Variants in CDK8 observed in about 807,000 individuals in gnomAD.
CDK8 encodes the protein cyclin-dependent kinase 8.
Under a neutral mutation model 71.5 loss-of-function variants are expected in CDK8, and 29 were observed. The observed-to-expected ratio is 0.41, with a 90% CI of 0.30 to 0.55. The LOEUF is 0.55. CDK8 is among the 20% of genes least tolerant of loss of function. CDK8 has a pLI of 0.37. For missense variants in CDK8, 288 were observed against 572.6 expected, an observed-to-expected ratio of 0.50 and a Z score of 5.07; for synonymous variants, 161 against 192.1, an observed-to-expected ratio of 0.84 and a Z score of 1.34.
intron 1 of CDK8, among the ~76,000 whole-genome samples, chr13:26,276,086 C>T (rs1393146502): frequency 2.0e-5 from 3 of 152,180 alleles, no homozygotes; most frequent in African/African-American, 7.2e-5. Context: ...TGGTCTCGAT[C>T]TCTTGACCTC....
At chr13:26,304,254 A>G (rs1475815451) in intron 1 of CDK8, among the ~76,000 whole-genome samples, 1 of 148,702 alleles carries the variant, frequency 6.7e-6, no homozygotes, top group African/African-American at 2.5e-5. Flanking sequence ...ACAGAGCCAG[A>G]CTCTGTCTCA....
intron 1 of CDK8, among the ~76,000 whole-genome samples, chr13:26,304,254 ACT>A (rs1873940376): frequency 6.7e-6 from 1 of 148,804 alleles, no homozygotes; most frequent in Admixed American, 6.7e-5. Flanking sequence ...ACAGAGCCAG[ACT>A]CTGTCTCAAA....
intron 2 of CDK8, among the ~76,000 whole-genome samples, chr13:26,342,065 CACATG>C (rs1873265745): frequency 6.6e-6 from 1 of 152,130 alleles, no homozygotes; most frequent in Non-Finnish European, 1.5e-5. Flanking sequence ...GGACTACAGG[CACATG>C]CCACCATACC....
intron 4 of CDK8, among the ~76,000 whole-genome samples, chr13:26,369,335 AGC>A (rs1874540283): frequency 6.7e-6 from 1 of 150,140 alleles, no homozygotes; most frequent in Non-Finnish European, 1.5e-5. Context: ...CTGTGGTCTC[AGC>A]TACTCAGGAG....
intron 1 of CDK8, among the ~76,000 whole-genome samples, chr13:26,312,005 T>C (rs1486831803): frequency 6.6e-6 from 1 of 152,190 alleles, no homozygotes; most frequent in Non-Finnish European, 1.5e-5. Context: ...TACTTGTCAC[T>C]GCCTTGTGAA....
intron 1 of CDK8, among the ~76,000 whole-genome samples, chr13:26,282,500 C>T (rs1270602133): frequency 1.3e-5 from 2 of 152,166 alleles, no homozygotes; most frequent in Non-Finnish European, 2.9e-5. Context: ...AAGTCTTTCT[C>T]AGACAAACAA....
Position 26,404,278 on chromosome 13 carries a change from A to C in CDK8, c.*197A>C. 1 of 546,976 alleles carries C rather than the reference A, an allele frequency of 1.8e-6. No homozygotes were observed. The highest frequency in any genetic ancestry group is 3.1e-5 in the East Asian group (1 of 32,030). The allele number at this position is 546,976 out of a possible 1,614,324, so 33.9% of individuals were successfully genotyped here. On this transcript the variant is annotated 3_prime_UTR_variant, in exon 13 of 13. Coordinates refer to ENST00000381527, the MANE Select transcript of CDK8 (RefSeq NM_001260.3). ...TGTACCTATTTTGGAGTTAGACTTG[A>C]AAAGAAAGTGCTAGCACAGTTTGTG...
chr13:26,325,009 A>G (rs2137953950), intron 1 of CDK8, among the ~76,000 whole-genome samples: 1 of 152,290 alleles, frequency 6.6e-6, no homozygotes, highest in African/African-American at 2.4e-5. Flanking sequence ...GAATTTCATG[A>G]GATAATGCAG....
At chr13:26,345,538 C>T (rs1270240206) in intron 2 of CDK8, among the ~76,000 whole-genome samples, 7 of 152,048 alleles carry the variant, frequency 4.6e-5, no homozygotes, top group Middle Eastern at 3.2e-3. Context: ...TGTGCCACCA[C>T]GCCCAACAAA....
chr13:26,336,608 C>T (rs1401920529), intron 1 of CDK8, among the ~76,000 whole-genome samples: 1 of 139,862 alleles, frequency 7.1e-6, no homozygotes, highest in Non-Finnish European at 1.5e-5. Flanking sequence ...GGCTGGACTG[C>T]AGTGGCGTGA....
intron 4 of CDK8, among the ~76,000 whole-genome samples, chr13:26,363,327 C>CGAAAAAAAAAAAAAAA (rs1874234642): frequency 2.2e-5 from 1 of 45,240 alleles, no homozygotes; most frequent in Non-Finnish European, 3.5e-5. Context: ...GACTCCATCT[C>CGAAAAAAAAAAAAAAA]AAAAAAAAAA....
intron 1 of CDK8, among the ~76,000 whole-genome samples, chr13:26,315,340 T>G (rs1033653296): frequency 4.6e-5 from 7 of 152,220 alleles, no homozygotes; most frequent in African/African-American, 7.2e-5. Flanking sequence ...CAGCTTTAAG[T>G]GAAAGGCTTC....
intron 1 of CDK8, among the ~76,000 whole-genome samples, chr13:26,307,426 A>G (rs1222815265): frequency 1.3e-5 from 2 of 152,240 alleles, no homozygotes; most frequent in East Asian, 3.9e-4. Context: ...AAGATGGAGG[A>G]AGAGATTCAT....
intron 4 of CDK8, among the ~76,000 whole-genome samples, chr13:26,381,415 T>TA (rs1336446114): frequency 6.6e-6 from 1 of 152,090 alleles, no homozygotes; most frequent in East Asian, 1.9e-4. Flanking sequence ...TGTGTGTAGC[T>TA]CCCAGGGAAT....
At chr13:26,358,368 G>A (rs1476951792) in intron 4 of CDK8, among the ~76,000 whole-genome samples, 5 of 152,104 alleles carry the variant, frequency 3.3e-5, no homozygotes, top group Non-Finnish European at 7.4e-5. Flanking sequence ...TTAAAATAAT[G>A]TGAGGTAAGT....
At chr13:26,273,141 T>C (rs546389137) in intron 1 of CDK8, among the ~76,000 whole-genome samples, 16 of 152,338 alleles carry the variant, frequency 1.1e-4, no homozygotes, top group Admixed American at 9.2e-4. Context: ...TTCTTTCTTT[T>C]GGTGATGGAT....
intron 1 of CDK8, among the ~76,000 whole-genome samples, chr13:26,263,827 A>G (rs1871897389): frequency 6.7e-6 from 1 of 148,930 alleles, no homozygotes; most frequent in Non-Finnish European, 1.5e-5. Context: ...GCTCACTGCT[A>G]GCTCCGTCTC....
chr13:26,336,118 AACAT>A (rs887802599), intron 1 of CDK8, among the ~76,000 whole-genome samples: 3 of 62,058 alleles, frequency 4.8e-5, no homozygotes, highest in Admixed American at 4.5e-4. Context: ...CTAATACACA[AACAT>A]ACACACACAC....
intron 1 of CDK8, among the ~76,000 whole-genome samples, chr13:26,311,521 C>T (rs1051578797): frequency 6.6e-6 from 1 of 152,178 alleles, no homozygotes; most frequent in African/African-American, 2.4e-5. Flanking sequence ...ATTACTCTAG[C>T]CACAGTACCT....
Sources: gnomAD v4.1 joint callset for allele counts (sites outside exome capture counted in the v4.1 genomes callset) on GRCh38, gnomAD v4.1.1 for gene constraint, MANE v1.5 for transcripts, NCBI Gene and HGNC (gene_info 2026-07-23, HGNC 2026-07-21) for gene names.